The following PARP16 variants were observed in gnomAD, a reference collection of about 807,000 sequenced individuals.
The protein encoded by PARP16 is poly(ADP-ribose) polymerase family member 16, also known as protein mono-ADP-ribosyltransferase PARP16.
In PARP16, 31 loss-of-function variants were observed where a neutral mutation model predicts 35.0. The observed-to-expected ratio is 0.88, with a 90% CI of 0.66 to 1.19. PARP16 has a LOEUF of 1.19. PARP16 is among the 50% of genes most tolerant of loss of function. The pLI is 0.00. For missense variants in PARP16, 424 were observed against 411.2 expected (o/e 1.03, Z -0.27); for synonymous variants, 162 against 169.5 (o/e 0.96, Z 0.34).
In PARP16 at chr15:65,266,718, T is replaced by C; in HGVS notation, c.363A>G (p.Ala121=). 2 of 1,614,206 alleles carry C rather than the reference T, an allele frequency of 1.2e-6. No homozygotes were observed. The highest frequency in any genetic ancestry group is 2.2e-5 in the South Asian group (2 of 91,086). The part of the protein sequence containing the change: ...LTGAPHTPVP[A]PDFLFEIEYF... ...ACTCAATTTCAAACAGGAAGTCCGG[T>C]GCAGGAACAGGCGTGTGAGGAGCCC... Residue 121 remains alanine, a synonymous_variant, in exon 3 of 6, where the codon GCA becomes GCG. Transcript: ENST00000649807.
At chr15:65,264,437 C>T (rs2089830059) in intron 3 of PARP16, among the ~76,000 whole-genome samples, 1 of 152,212 alleles carries the variant, frequency 6.6e-6, no homozygotes, top group African/African-American at 2.4e-5. Context: ...GAATAGCTCA[C>T]TGAAGAATAT....
At chr15:65,271,526 C>T (rs888787671) in intron 1 of PARP16, among the ~76,000 whole-genome samples, 4 of 152,108 alleles carry the variant, frequency 2.6e-5, no homozygotes, top group East Asian at 1.9e-4. Flanking sequence ...CCCCCTGCCT[C>T]GGCCTTCCAA....
intron 3 of PARP16, among the ~76,000 whole-genome samples, chr15:65,244,817 T>C (rs991349640): frequency 2.6e-5 from 4 of 152,158 alleles, no homozygotes; most frequent in Admixed American, 2.0e-4. Context: ...ATCACAGAAG[T>C]AGTGAGTCTC....
intron 3 of PARP16, among the ~76,000 whole-genome samples, chr15:65,263,655 A>G (rs1160575344): frequency 6.6e-6 from 1 of 152,176 alleles, no homozygotes; most frequent in African/African-American, 2.4e-5. Context: ...GGCAAGTTAT[A>G]TAAACTCTCT....
downstream of PARP16, among the ~76,000 whole-genome samples, chr15:65,256,141 C>T (rs888360704): frequency 1.3e-5 from 2 of 152,168 alleles, no homozygotes; most frequent in African/African-American, 2.4e-5. Flanking sequence ...CTATCTCAGT[C>T]GCCTCCTATT....
rs75449099 is a variant in PARP16, at chr15:65,285,552, G to A, written c.174+701C>T. On this transcript the variant is annotated intron_variant, in intron 1 of 5. Coordinates refer to ENST00000649807, the MANE Select transcript of PARP16 (RefSeq NM_001316943.2). ...AATATGCTCTTCCATGGCAAGGAAG[G>A]GAGACTGCCACACTTGACAGGTCCC... 2.9e-4 allele frequency: 107 copies of A among 374,686 alleles called. No individual in the cohort carries two copies. The East Asian group carries it at 7.5e-3, about 26-fold the overall frequency. 23.2% of individuals were successfully genotyped at this position (374,686 alleles called of 1,614,324 possible). A position where few individuals can be genotyped will look rare whatever the true frequency, so the allele number is the denominator to read the frequency against.
At chr15:65,279,105 A>T (rs2090345440) in intron 1 of PARP16, among the ~76,000 whole-genome samples, 2 of 152,246 alleles carry the variant, frequency 1.3e-5, no homozygotes, top group South Asian at 4.1e-4. Flanking sequence ...TCTCCTAGGA[A>T]GTAGGGGTTC....
intron 2 of PARP16, among the ~76,000 whole-genome samples, chr15:65,267,678 CTTTTTTTTTTTTTTT>C (rs556058787): frequency 1.9e-5 from 1 of 53,034 alleles, no homozygotes; most frequent in Non-Finnish European, 3.2e-5. Context: ...ATTTTCCTAA[CTTTTTTTTTTTTTTT>C]TTTTTTTTTT....
At chr15:65,248,735 C>T (rs942277919) in intron 2 of PARP16, among the ~76,000 whole-genome samples, 5 of 152,182 alleles carry the variant, frequency 3.3e-5, no homozygotes, top group Non-Finnish European at 5.9e-5. Context: ...CTCCTGTCTG[C>T]GGCCAGAGGG....
At position 65,261,099 on chromosome 15, in the gene PARP16, A is replaced by T; in HGVS notation, c.692-73T>A. On this transcript the variant is annotated intron_variant, in intron 4 of 5. Transcript: ENST00000649807. ...AGGAAGCACATTATAAATAGAAATA[A>T]GTCAAGCCTCCTGGTGCTGAGGGGG... 4 of 1,453,578 alleles carry T rather than the reference A, an allele frequency of 2.8e-6. No individual in the cohort carries two copies. In the South Asian group the frequency reaches 4.9e-5, roughly 18 times the overall value. 90.0% of individuals were successfully genotyped at this position (1,453,578 alleles called of 1,614,324 possible).
downstream of PARP16, among the ~76,000 whole-genome samples, chr15:65,231,793 A>G (rs1318681316): frequency 6.6e-6 from 1 of 152,108 alleles, no homozygotes; most frequent in East Asian, 1.9e-4. Flanking sequence ...TTAATACAAC[A>G]TTTGTTTAGA....
chr15:65,249,370 C>T (rs1296751300), intron 2 of PARP16, among the ~76,000 whole-genome samples: 3 of 152,242 alleles, frequency 2.0e-5, no homozygotes, highest in African/African-American at 7.2e-5. Flanking sequence ...CAGTGGGGGC[C>T]TCCTCTTAAG....
In PARP16 at chr15:65,266,771, T is replaced by C. The variant is rs2089907177; in HGVS notation, c.313-3A>G. The C allele has an allele frequency of 6.2e-7, 1 of 1,609,012 alleles. No individual in the cohort carries two copies. The highest frequency in any genetic ancestry group is 1.1e-5 in the South Asian group (1 of 90,784). On this transcript the variant is annotated splice_region_variant and splice_polypyrimidine_tract_variant and intron_variant, in intron 2 of 5. Transcript: ENST00000649807. The stretch of plus-strand genomic sequence containing the variant: ...GTCAGCTTTTGGATCTTTTCAAACT[T>C]GAAAACATGAAGAGCATCAAAATTT...
At position 65,286,469 on chromosome 15, in the gene PARP16, G is replaced by A. The variant is rs767986748; in HGVS notation, c.-43C>T. 16 of 1,382,008 alleles carry A rather than the reference G, an allele frequency of 1.2e-5. No individual in the cohort carries two copies. The highest frequency in any genetic ancestry group is 1.4e-5 in the Non-Finnish European group (15 of 1,062,398). The allele number at this position is 1,382,008 out of a possible 1,614,324, so 85.6% of individuals were successfully genotyped here. On this transcript the variant is annotated 5_prime_UTR_variant, in exon 1 of 6. Transcript: ENST00000649807. ...TGCCGGGGTAGACGCGCTGGTTAGG[G>A]GCAAGGGCGAGCGTGCGTTCAGCGC...
At chr15:65,277,321 C>T (rs760704442) in intron 1 of PARP16, among the ~76,000 whole-genome samples, 8 of 152,208 alleles carry the variant, frequency 5.3e-5, no homozygotes, top group Non-Finnish European at 1.0e-4. Flanking sequence ...TTCAGCAATA[C>T]AGCAGAGCCC....
At chr15:65,254,989 C>G (rs1030322410), downstream of PARP16, among the ~76,000 whole-genome samples, 1 of 152,182 alleles carries the variant, frequency 6.6e-6, no homozygotes, top group Non-Finnish European at 1.5e-5. Context: ...AAGGACCTCA[C>G]CTGTGAGAGG....
At chr15:65,265,276 T>C (rs1012756194) in intron 3 of PARP16, among the ~76,000 whole-genome samples, 8 of 152,208 alleles carry the variant, frequency 5.3e-5, no homozygotes, top group Non-Finnish European at 1.0e-4. Flanking sequence ...AGCAGCTACC[T>C]CTTCCTTGGT....
chr15:65,232,603 G>A (rs1484990829), downstream of PARP16, among the ~76,000 whole-genome samples: 1 of 152,072 alleles, frequency 6.6e-6, no homozygotes, highest in Admixed American at 6.6e-5. Flanking sequence ...AGTTTACTGA[G>A]TTAAAAATTA....
intron 3 of PARP16, among the ~76,000 whole-genome samples, chr15:65,236,436 G>A (rs1306129902): frequency 1.3e-5 from 2 of 152,216 alleles, no homozygotes; most frequent in Non-Finnish European, 2.9e-5. Context: ...GAGACATTTG[G>A]ATTGAGATCT....
Sources: gnomAD v4.1 joint callset for allele counts (sites outside exome capture counted in the v4.1 genomes callset) on GRCh38, gnomAD v4.1.1 for gene constraint, MANE v1.5 for transcripts, NCBI Gene and HGNC (gene_info 2026-07-23, HGNC 2026-07-21) for gene names.